ETS1: variants seen among roughly 807,000 people sequenced by gnomAD.
ETS1 encodes ETS proto-oncogene 1, transcription factor.
A neutral mutation model predicts 58.6 loss-of-function variants in ETS1; 15 were observed. That is an observed-to-expected ratio of 0.26 (90% CI 0.17 to 0.39). The LOEUF (loss-of-function observed/expected upper bound fraction) is 0.39, where lower values mean the gene tolerates loss of function less well. Among genes scored for constraint, ETS1 ranks in the 10% least tolerant of loss-of-function variants. The probability of loss-of-function intolerance (pLI) is 1.00; values close to 1 mark genes in which losing one functional copy is unlikely to be tolerated. For synonymous variants in ETS1, 214 were observed against 218.2 expected (o/e 0.98, Z 0.17); for missense variants, 417 against 610.5 (o/e 0.68, Z 3.34).
rs550783844 is a variant in ETS1 at position 128,461,073 on chromosome 11, G to C, written c.*1288C>G. The C allele has an allele frequency of 6.6e-6, 1 of 152,606 alleles. No individual in the cohort carries two copies. The highest frequency in any genetic ancestry group is 1.9e-4 in the East Asian group (1 of 5,320). The allele number at this position is 152,606 out of a possible 1,614,324, so 9.5% of individuals were successfully genotyped here. A position where few individuals can be genotyped will look rare whatever the true frequency, so the allele number is the denominator to read the frequency against. ...CAGCAAGTCTAAACTCTTCAACTTAGGTCGTGTCTCAAGTTACTTTTTCAC... is the reference window on the plus strand; with the variant it reads ...CAGCAAGTCTAAACTCTTCAACTTACGTCGTGTCTCAAGTTACTTTTTCAC... On this transcript the variant is annotated 3_prime_UTR_variant, in exon 10 of 10. Transcript: ENST00000392668.
intron 1 of ETS1, among the ~76,000 whole-genome samples, chr11:128,580,705 T>C (rs1864849081): frequency 6.6e-6 from 1 of 152,232 alleles, no homozygotes; most frequent in South Asian, 2.1e-4. Context: ...GCTACTGTCT[T>C]CTGTGTCTTA....
chr11:128,561,465 A>G (rs1864403753), intron 2 of ETS1, among the ~76,000 whole-genome samples: 1 of 152,238 alleles, frequency 6.6e-6, no homozygotes, highest in African/African-American at 2.4e-5. Flanking sequence ...CTGATTTTTC[A>G]AAGATATTAC....
intron 3 of ETS1, among the ~76,000 whole-genome samples, chr11:128,513,713 C>T (rs1297552206): frequency 1.1e-4 from 16 of 152,172 alleles, no homozygotes; most frequent in Admixed American, 1.0e-3. Flanking sequence ...CATGGAAACT[C>T]TTTCACTGAA....
At chr11:128,543,334 C>G (rs183333397) in intron 3 of ETS1, among the ~76,000 whole-genome samples, 38 of 152,120 alleles carry the variant, frequency 2.5e-4, no homozygotes, top group African/African-American at 9.2e-4. Flanking sequence ...CATTTCAAAG[C>G]TACCAGAACA....
chr11:128,587,125 A>G (rs927282886), intron 1 of ETS1, among the ~76,000 whole-genome samples: 13 of 151,004 alleles, frequency 8.6e-5, no homozygotes, highest in African/African-American at 3.2e-4. Flanking sequence ...AAAGAAATTT[A>G]TATATTTAAC....
intron 3 of ETS1, among the ~76,000 whole-genome samples, chr11:128,506,765 G>A (rs1296172109): frequency 2.0e-5 from 3 of 152,066 alleles, no homozygotes; most frequent in Non-Finnish European, 4.4e-5. Flanking sequence ...GCTGGGCACG[G>A]GCCATTTCCA....
intron 8 of ETS1, among the ~76,000 whole-genome samples, chr11:128,475,359 A>G (rs1209671169): frequency 6.6e-6 from 1 of 152,238 alleles, no homozygotes; most frequent in Non-Finnish European, 1.5e-5. Flanking sequence ...TTTCAAAAAC[A>G]TGTTTTAGCA....
In ETS1 at chr11:128,549,320, G is replaced by T. The variant is rs1864191417; in HGVS notation, c.214+6971C>A. On this transcript the variant is annotated intron_variant, in intron 3 of 9. Transcript: ENST00000392668. This position sits in a 1 kb window ranked among gnomAD's most constrained non-coding sequence, Gnocchi z 4.3. The stretch of plus-strand genomic sequence containing the variant: ...CCTGGGCTCCGGCTCCCACCTCATC[G>T]GCCCACCCGAAGATGTCCATTCACC... 7.0e-6 allele frequency among the ~76,000 whole-genome samples: 1 copy of T among 143,092 alleles called. No homozygotes were observed. The highest frequency in any genetic ancestry group is 1.5e-5 in the Non-Finnish European group (1 of 66,678). 93.9% of individuals were successfully genotyped at this position (143,092 alleles called of 152,430 possible).
intron 3 of ETS1, among the ~76,000 whole-genome samples, chr11:128,515,277 C>T (rs544290506): frequency 2.6e-4 from 39 of 151,910 alleles, no homozygotes; most frequent in Admixed American, 7.9e-4. Context: ...CACACACGCG[C>T]GCGTGCACAC....
intron 1 of ETS1, among the ~76,000 whole-genome samples, chr11:128,577,366 A>G (rs1272123354): frequency 2.0e-5 from 3 of 152,222 alleles, no homozygotes; most frequent in African/African-American, 7.2e-5. Context: ...GGCTTTTCCC[A>G]TCACCGCATA....
chr11:128,497,423 G>A (rs576600700), intron 3 of ETS1: 2 of 186,018 alleles, frequency 1.1e-5, no homozygotes, highest in South Asian at 3.6e-4. Context: ...GCCTGAGAAA[G>A]AAGCCTGTAG....
chr11:128,517,393 T>C (rs1323540559), intron 3 of ETS1, among the ~76,000 whole-genome samples: 2 of 152,286 alleles, frequency 1.3e-5, no homozygotes. Context: ...AGGCCAAGTA[T>C]GCATCTCTCA....
At chr11:128,524,295 A>G (rs946960713) in intron 3 of ETS1, among the ~76,000 whole-genome samples, 1 of 152,234 alleles carries the variant, frequency 6.6e-6, no homozygotes, top group African/African-American at 2.4e-5. Flanking sequence ...ATAGTCAATC[A>G]TCCGTTTCCT....
chr11:128,566,842 T>C (rs1864513464), intron 2 of ETS1, among the ~76,000 whole-genome samples: 1 of 151,756 alleles, frequency 6.6e-6, no homozygotes, highest in Admixed American at 6.6e-5. Flanking sequence ...GTCTTTCTGA[T>C]TCTAAAACCC....
intron 3 of ETS1, among the ~76,000 whole-genome samples, chr11:128,522,699 C>G (rs957889504): frequency 1.3e-5 from 2 of 152,228 alleles, no homozygotes; most frequent in East Asian, 1.9e-4. Context: ...TTCTTGAGGG[C>G]TTGGTCACCC....
At chr11:128,505,864 C>T (rs1445724392) in intron 3 of ETS1, among the ~76,000 whole-genome samples, 6 of 152,224 alleles carry the variant, frequency 3.9e-5, no homozygotes, top group African/African-American at 1.4e-4. Context: ...ACCACAGCCC[C>T]AAGCTCCCCG....
At chr11:128,494,519 T>C (rs1035060468) in intron 3 of ETS1, among the ~76,000 whole-genome samples, 1 of 152,258 alleles carries the variant, frequency 6.6e-6, no homozygotes, top group Non-Finnish European at 1.5e-5. Flanking sequence ...TTTTTCATTG[T>C]GGCCTAACCC....
chr11:128,545,029 G>GA (rs967964551), intron 3 of ETS1, among the ~76,000 whole-genome samples: 1 of 151,588 alleles, frequency 6.6e-6, no homozygotes, highest in African/African-American at 2.4e-5. Context: ...GGGTGGGGGG[G>GA]GCAGTGTAAG....
intron 3 of ETS1, among the ~76,000 whole-genome samples, chr11:128,540,485 T>G (rs1160110649): frequency 6.7e-6 from 1 of 148,756 alleles, no homozygotes; most frequent in Non-Finnish European, 1.5e-5. Flanking sequence ...ATAAACCGTT[T>G]AAAAAAAAAA....
Sources: allele counts gnomAD v4.1 joint callset (sites outside exome capture counted in the v4.1 genomes callset), GRCh38; gene constraint gnomAD v4.1.1; non-coding constraint Gnocchi (gnomAD v3.1); transcripts MANE v1.5; gene names NCBI Gene and HGNC (gene_info 2026-07-23, HGNC 2026-07-21).